The following FGD4 variants were observed in gnomAD, a reference collection of about 807,000 sequenced individuals.
FGD4 encodes the protein FYVE, RhoGEF and PH domain-containing protein 4.
Under a neutral mutation model 102.0 loss-of-function variants are expected in FGD4, and 42 were observed. That is an observed-to-expected ratio of 0.41 (90% CI 0.32 to 0.53). The LOEUF is 0.53. FGD4 is among the 20% of genes least tolerant of loss of function. The pLI is 0.21. For synonymous variants in FGD4, 380 were observed against 375.7 expected (o/e 1.01, Z -0.13); for missense variants, 902 against 1,078.2 (o/e 0.84, Z 2.29).
chr12:32,425,808 T>A (rs1004351247), intron 1 of FGD4, among the ~76,000 whole-genome samples: 7 of 152,172 alleles, frequency 4.6e-5, no homozygotes, highest in African/African-American at 1.7e-4. Flanking sequence ...TAAGATGTAT[T>A]CCTAGGTATT....
intron 1 of FGD4, among the ~76,000 whole-genome samples, chr12:32,456,797 A>C (rs574647003): frequency 1.3e-5 from 2 of 152,324 alleles, no homozygotes; most frequent in South Asian, 4.1e-4. Context: ...ATCCTCTTCC[A>C]CAAAAAGATG....
At chr12:32,585,872 A>C (rs920541132) in intron 4 of FGD4, among the ~76,000 whole-genome samples, 8 of 147,710 alleles carry the variant, frequency 5.4e-5, no homozygotes, top group Non-Finnish European at 1.2e-4. Context: ...GGAAATGCAG[A>C]TGAAGGAGCA....
At chr12:32,473,337 T>A (rs1377986963) in intron 1 of FGD4, among the ~76,000 whole-genome samples, 1 of 150,058 alleles carries the variant, frequency 6.7e-6, no homozygotes, top group Non-Finnish European at 1.5e-5. Flanking sequence ...TCCATGCTGC[T>A]TTTATGAGCT....
intron 1 of FGD4, among the ~76,000 whole-genome samples, chr12:32,428,095 T>C (rs756503474): frequency 7.2e-5 from 11 of 152,192 alleles, no homozygotes; most frequent in Non-Finnish European, 1.5e-4. Flanking sequence ...GTGAATTTGA[T>C]CCTGTCATTA....
chr12:32,529,526 G>A (rs1350501953), intron 1 of FGD4, among the ~76,000 whole-genome samples: 1 of 151,850 alleles, frequency 6.6e-6, no homozygotes, highest in African/African-American at 2.4e-5. Flanking sequence ...GCCAGTATAT[G>A]CTTATTTGTA....
Position 32,428,081 on chromosome 12 carries a change from A to G in FGD4, c.166+28122A>G, listed in dbSNP as rs530762809. ...GTTTACATTTAAGGTTAGTATTGTT[A>G]TGTGTGAATTTGATCCTGTCATTAT... On this transcript the variant is annotated intron_variant, in intron 1 of 16. Coordinates refer to ENST00000534526, the MANE Select transcript of FGD4 (RefSeq NM_001370298.3). Among the ~76,000 whole-genome samples, 87 of 152,140 alleles carry G rather than the reference A, an allele frequency of 5.7e-4. 1 individual carries two copies. In the South Asian group the frequency reaches 0.017, roughly 30 times the overall value.
chr12:32,518,785 G>A (rs1374410095), intron 1 of FGD4, among the ~76,000 whole-genome samples: 9 of 150,904 alleles, frequency 6.0e-5, no homozygotes, highest in Non-Finnish European at 1.2e-4. Flanking sequence ...CAAGTTGTGA[G>A]ACTAAAGATA....
chr12:32,590,348 C>T (rs1947370304), intron 4 of FGD4, among the ~76,000 whole-genome samples: 1 of 149,460 alleles, frequency 6.7e-6, no homozygotes, highest in Admixed American at 6.7e-5. Flanking sequence ...ATGATATATG[C>T]ATATCATAAG....
At chr12:32,626,025 A>G (rs928170131) in intron 14 of FGD4, among the ~76,000 whole-genome samples, 4 of 152,232 alleles carry the variant, frequency 2.6e-5, no homozygotes, top group African/African-American at 7.2e-5. Context: ...ATTACTATAG[A>G]TGAAATAAAA....
intron 1 of FGD4, among the ~76,000 whole-genome samples, chr12:32,531,777 A>G (rs1941841852): frequency 6.6e-6 from 1 of 152,336 alleles, no homozygotes; most frequent in Non-Finnish European, 1.5e-5. Context: ...TTAAGTACCT[A>G]AGAGTTAGGA....
At chr12:32,402,734 A>G (rs779256276) in intron 1 of FGD4, among the ~76,000 whole-genome samples, 1 of 150,020 alleles carries the variant, frequency 6.7e-6, no homozygotes, top group African/African-American at 2.5e-5. Flanking sequence ...TCTTGTTGCT[A>G]TTTTCAGGGT....
intron 1 of FGD4, among the ~76,000 whole-genome samples, chr12:32,497,538 T>C (rs774346860): frequency 2.6e-5 from 4 of 152,212 alleles, no homozygotes; most frequent in Admixed American, 2.0e-4. Flanking sequence ...TTCACTGATA[T>C]GTTTGATCCC....
At chr12:32,522,175 C>G (rs1354128054) in intron 1 of FGD4, among the ~76,000 whole-genome samples, 1 of 151,614 alleles carries the variant, frequency 6.6e-6, no homozygotes, top group Non-Finnish European at 1.5e-5. Context: ...ATTCTTTTTT[C>G]TTTGGAATAT....
At chr12:32,609,506 G>A (rs556009664) in intron 8 of FGD4, among the ~76,000 whole-genome samples, 4 of 152,116 alleles carry the variant, frequency 2.6e-5, no homozygotes, top group Admixed American at 6.5e-5. Flanking sequence ...GCACAGCATC[G>A]CCCACATCAG....
chr12:32,446,024 C>T (rs529905916), intron 1 of FGD4, among the ~76,000 whole-genome samples: 2 of 152,116 alleles, frequency 1.3e-5, no homozygotes, highest in East Asian at 1.9e-4. Flanking sequence ...AAAGTTAGCC[C>T]GGTGTGTAGT....
intron 1 of FGD4, among the ~76,000 whole-genome samples, chr12:32,458,179 T>G (rs1942999043): frequency 6.6e-6 from 1 of 152,000 alleles, no homozygotes. Flanking sequence ...CTTTTTTTTT[T>G]TCCTATTTGA....
chr12:32,500,248 T>C (rs771104643), intron 1 of FGD4, among the ~76,000 whole-genome samples: 56 of 152,148 alleles, frequency 3.7e-4, no homozygotes, highest in Non-Finnish European at 6.8e-4. Context: ...TAATACCTAC[T>C]TCATAGGCCC....
At chr12:32,525,379 A>G (rs1218884304) in intron 1 of FGD4, among the ~76,000 whole-genome samples, 1 of 152,266 alleles carries the variant, frequency 6.6e-6, no homozygotes, top group Non-Finnish European at 1.5e-5. Context: ...GAATGTTTTA[A>G]AAGTATATAC....
rs912809988 is a variant in FGD4, at chr12:32,619,625, C to G, written c.1750-73C>G. 5.9e-6 allele frequency: 9 copies of G among 1,533,060 alleles called. No homozygotes were observed. In the Admixed American group the frequency reaches 1.0e-4, roughly 17 times the overall value. The allele number at this position is 1,533,060 out of a possible 1,614,324, so 95.0% of individuals were successfully genotyped here. On this transcript the variant is annotated intron_variant, in intron 10 of 16. Transcript: ENST00000534526. ...CCAGCCTGGGCAACAGAGTGAGACT[C>G]TGTCTCAAAAAAAAACCTGATCAGT...
Sources: gnomAD v4.1 joint callset for allele counts (sites outside exome capture counted in the v4.1 genomes callset) on GRCh38, gnomAD v4.1.1 for gene constraint, MANE v1.5 for transcripts, NCBI Gene and HGNC (gene_info 2026-07-23, HGNC 2026-07-21) for gene names.